ARHGAP10: variants seen among roughly 807,000 people sequenced by gnomAD.
ARHGAP10 encodes Rho GTPase activating protein 10.
In ARHGAP10, 87 loss-of-function variants were observed where a neutral mutation model predicts 108.6. The observed-to-expected ratio is 0.80, with a 90% confidence interval of 0.67 to 0.96. The LOEUF (loss-of-function observed/expected upper bound fraction) is 0.96. Among genes scored for constraint, ARHGAP10 ranks in the 40% least tolerant of loss-of-function variants. ARHGAP10 has a pLI of 0.00. For missense variants in ARHGAP10, 939 were observed against 954.5 expected (o/e 0.98, Z 0.21); for synonymous variants, 347 against 341.1 (o/e 1.02, Z -0.19).
chr4:147,774,843 A>AAGG (rs1410402682), intron 1 of ARHGAP10, among the ~76,000 whole-genome samples: 1 of 152,036 alleles, frequency 6.6e-6, no homozygotes, highest in Non-Finnish European at 1.5e-5. Context: ...CAGCTGACAT[A>AAGG]GAAACACTTG....
intron 1 of ARHGAP10, among the ~76,000 whole-genome samples, chr4:147,738,064 G>A (rs1038198797): frequency 2.0e-5 from 3 of 151,356 alleles, no homozygotes; most frequent in African/African-American, 7.3e-5. Flanking sequence ...TAGACTTTTG[G>A]ATAAAGAATA....
At chr4:147,840,063 A>T (rs1444160925) in intron 3 of ARHGAP10, among the ~76,000 whole-genome samples, 4 of 152,104 alleles carry the variant, frequency 2.6e-5, no homozygotes, top group Non-Finnish European at 5.9e-5. Context: ...ATAGAGATGG[A>T]TGAGGACCTC....
chr4:147,809,438 A>G (rs1731923147), intron 1 of ARHGAP10, among the ~76,000 whole-genome samples: 1 of 152,142 alleles, frequency 6.6e-6, no homozygotes, highest in Non-Finnish European at 1.5e-5. Context: ...TTTGTCATCC[A>G]GACAGGATAA....
At chr4:147,766,084 C>T (rs1729797426) in intron 1 of ARHGAP10, among the ~76,000 whole-genome samples, 1 of 152,030 alleles carries the variant, frequency 6.6e-6, no homozygotes, top group Non-Finnish European at 1.5e-5. Context: ...AGTTTGAGAC[C>T]AGCCTGGCCA....
intron 1 of ARHGAP10, among the ~76,000 whole-genome samples, chr4:147,741,782 AC>A (rs1560733786): frequency 2.7e-5 from 1 of 36,392 alleles, no homozygotes; most frequent in African/African-American, 7.7e-5. Flanking sequence ...ACACACACAC[AC>A]ACACACACGC....
At chr4:147,748,594 A>T (rs76143204) in intron 1 of ARHGAP10, among the ~76,000 whole-genome samples, 24,015 of 152,186 alleles carry the variant, frequency 0.16, 2,722 homozygotes, top group African/African-American at 0.32. Context: ...ATGTGATAGC[A>T]TTGATAATGA....
intron 1 of ARHGAP10, among the ~76,000 whole-genome samples, chr4:147,788,353 A>G (rs1214355010): frequency 6.6e-6 from 1 of 152,184 alleles, no homozygotes; most frequent in Non-Finnish European, 1.5e-5. Flanking sequence ...AGGCTGGGAC[A>G]GGAGAATTGC....
chr4:147,808,368 G>C (rs1021718341), intron 1 of ARHGAP10, among the ~76,000 whole-genome samples: 1 of 152,006 alleles, frequency 6.6e-6, no homozygotes, highest in Non-Finnish European at 1.5e-5. Flanking sequence ...TGTTGAAGCT[G>C]GAGTTAGGTT....
At chr4:147,802,271 C>T (rs1176269540) in intron 1 of ARHGAP10, among the ~76,000 whole-genome samples, 2 of 152,110 alleles carry the variant, frequency 1.3e-5, no homozygotes, top group Non-Finnish European at 2.9e-5. Flanking sequence ...TTTCCCATCA[C>T]TCATAGTAAA....
intron 3 of ARHGAP10, among the ~76,000 whole-genome samples, chr4:147,839,092 GTATCTATCTATCTATCTATCTATC>G (rs139337846): frequency 9.7e-5 from 14 of 143,788 alleles, no homozygotes; most frequent in Admixed American, 1.4e-4. Flanking sequence ...TAGATCTATC[GTATCTATCTATCTATCTATCTATC>G]TATCTATCTA....
At chr4:147,984,845 C>T (rs760835549) in intron 18 of ARHGAP10, among the ~76,000 whole-genome samples, 1 of 152,210 alleles carries the variant, frequency 6.6e-6, no homozygotes, top group Non-Finnish European at 1.5e-5. Flanking sequence ...CAGGGCCAAT[C>T]TGTGGAGTGC....
At chr4:147,781,681 C>CTTTTTTTTTTTTTTTTTTTTT (rs56781517) in intron 1 of ARHGAP10, among the ~76,000 whole-genome samples, 5 of 130,566 alleles carry the variant, frequency 3.8e-5, no homozygotes, top group African/African-American at 1.4e-4. Context: ...CTTTTCTTTT[C>CTTTTTTTTTTTTTTTTTTTTT]TTTTTTTTTT....
intron 1 of ARHGAP10, among the ~76,000 whole-genome samples, chr4:147,739,597 C>A (rs1024762994): frequency 1.3e-5 from 2 of 152,188 alleles, no homozygotes; most frequent in African/African-American, 2.4e-5. Flanking sequence ...CCAGAGACAT[C>A]CCTAAGAGGG....
At chr4:148,008,279 T>C (rs544103808) in intron 18 of ARHGAP10, among the ~76,000 whole-genome samples, 3 of 152,276 alleles carry the variant, frequency 2.0e-5, no homozygotes, top group African/African-American at 7.2e-5. Context: ...AGGAAATTAA[T>C]CAGTATCTCC....
At chr4:147,794,373 T>A (rs1335879599) in intron 1 of ARHGAP10, among the ~76,000 whole-genome samples, 1 of 152,238 alleles carries the variant, frequency 6.6e-6, no homozygotes, top group Non-Finnish European at 1.5e-5. Flanking sequence ...TCTCACAACA[T>A]TCCTATGAAG....
At chr4:148,030,024 A>T (rs925723049) in intron 19 of ARHGAP10, among the ~76,000 whole-genome samples, 1 of 146,714 alleles carries the variant, frequency 6.8e-6, no homozygotes, top group African/African-American at 2.5e-5. Flanking sequence ...AATGCTAGTG[A>T]CAAAGTGAAA....
rs1254204044 is a variant in ARHGAP10 at position 147,873,835 on chromosome 4, A to G, written c.703-1186A>G. On this transcript the variant is annotated intron_variant, in intron 7 of 22. Transcript: ENST00000336498. ...GGCTGTGATGAGGTATTATCATGCC[A>G]CTGTACTCCAGCCTGGGAGACAGAG... Among the ~76,000 whole-genome samples, 16 of 149,414 alleles carry G rather than the reference A, an allele frequency of 1.1e-4. No individual in the cohort carries two copies. In the Admixed American group the frequency reaches 1.1e-3, roughly 10 times the overall value.
Position 147,906,653 on chromosome 4 carries a change from G to A in ARHGAP10, c.1050G>A (p.Leu350=), listed in dbSNP as rs1184471795. ...IEAADRPGVS[L]TMQAFSEEER... is the part of the protein sequence containing the mutation. ...TGTCTTTCAGGCCTGGCGTTTCCTT[G>A]ACCATGCAGGCATTTTCCGAAGAGG... The change falls in exon 11 of 23, where the codon TTG becomes TTA. Residue 350 remains leucine, a synonymous_variant. Coordinates refer to ENST00000336498, the MANE Select transcript of ARHGAP10 (RefSeq NM_024605.4). 2 of 1,614,126 alleles carry A rather than the reference G, an allele frequency of 1.2e-6. No individual in the cohort carries two copies. The highest frequency in any genetic ancestry group is 2.2e-5 in the South Asian group (2 of 91,068).
chr4:148,009,686 T>C lies in ARHGAP10; in HGVS notation c.1717-13577T>C, dbSNP rs533633064. ...TATCTTTTTCTACATTTCCAGATGG[T>C]CACCGTTTTTTAAGTAATCAATCCA... On this transcript the variant is annotated intron_variant, in intron 18 of 22. Transcript: ENST00000336498. Among the ~76,000 whole-genome samples the C allele has an allele frequency of 2.0e-5, 3 of 152,294 alleles. No homozygotes were observed. In the South Asian group the frequency reaches 6.2e-4, roughly 32 times the overall value.
Sources: gnomAD v4.1 joint callset for allele counts (sites outside exome capture counted in the v4.1 genomes callset) on GRCh38, gnomAD v4.1.1 for gene constraint, MANE v1.5 for transcripts, NCBI Gene and HGNC (gene_info 2026-07-23, HGNC 2026-07-21) for gene names.